VPS13C: variants seen among roughly 807,000 people sequenced by gnomAD.
VPS13C encodes the protein vacuolar protein sorting 13 homolog C.
A neutral mutation model predicts 456.8 loss-of-function variants in VPS13C; 358 were observed. The ratio of observed to expected loss-of-function variants is 0.78; its 90% CI spans 0.72 to 0.86. VPS13C has a LOEUF of 0.86. Among genes scored for constraint, VPS13C ranks in the 40% least tolerant of loss-of-function variants. The pLI, the probability that VPS13C is intolerant of heterozygous loss-of-function variation, is 0.00. For missense variants in VPS13C, 4,818 were observed against 4,385.4 expected (o/e 1.10, Z -2.79); for synonymous variants, 1,578 against 1,486.7 (o/e 1.06, Z -1.41).
chr15:61,874,797 G>C, intron 77 of VPS13C, 79 bp downstream of exon 77: 1 of 1,259,782 alleles, frequency 7.9e-7, no homozygotes. Context: ...TTAAATAAAA[G>C]CATTTGTTTT....
intron 16 of VPS13C, among the ~76,000 whole-genome samples, chr15:61,993,958 G>A (rs1233893599): frequency 2.0e-5 from 3 of 151,332 alleles, no homozygotes; most frequent in African/African-American, 7.3e-5. Context: ...TTATTTCAAA[G>A]CATATATATA....
rs887918073 is a variant in VPS13C at position 62,030,174 on chromosome 15, A to G, written c.386-1754T>C. On this transcript the variant is annotated intron_variant, in intron 5 of 84. Coordinates refer to ENST00000644861, the MANE Select transcript of VPS13C (RefSeq NM_020821.3). The stretch of plus-strand genomic sequence containing the variant: ...AGACAAATTTCATGTAGCATGTGAA[A>G]AAGAATTAAAGATAAATTTACATAG... 6.6e-5 allele frequency among the ~76,000 whole-genome samples: 10 copies of G among 152,302 alleles called. No individual in the cohort carries two copies. The East Asian group carries it at 1.9e-3, about 29-fold the overall frequency.
chr15:62,054,318 C>G (rs956586479), intron 1 of VPS13C, among the ~76,000 whole-genome samples: 3 of 152,140 alleles, frequency 2.0e-5, no homozygotes, highest in East Asian at 3.8e-4. Flanking sequence ...GACTTACAAA[C>G]TAGCTGGCAG....
chr15:61,919,193 G>T (rs1249830300), intron 58 of VPS13C, 96 bp downstream of exon 58: 22 of 1,203,558 alleles, frequency 1.8e-5, no homozygotes, highest in South Asian at 7.8e-5. Context: ...AATCAGAATT[G>T]ACCTGATGAA....
chr15:61,885,868 C>T (rs1245191805), intron 67 of VPS13C, among the ~76,000 whole-genome samples: 1 of 152,088 alleles, frequency 6.6e-6, no homozygotes, highest in Non-Finnish European at 1.5e-5. Context: ...CAGGTTAATC[C>T]TTTAGTCACT....
intron 29 of VPS13C, among the ~76,000 whole-genome samples, chr15:61,966,867 A>AACAC (rs1567055693): frequency 6.6e-6 from 1 of 151,712 alleles, no homozygotes. Flanking sequence ...AGACATCCAA[A>AACAC]AACACATCCA....
chr15:62,039,091 C>A (rs112159172), intron 3 of VPS13C, among the ~76,000 whole-genome samples: 1,804 of 152,086 alleles, frequency 0.012, 39 homozygotes, highest in African/African-American at 0.042. Flanking sequence ...CTACTGAGTA[C>A]CTAAAAGAAA....
At chr15:61,929,257 C>A (rs2043972234) in intron 51 of VPS13C, among the ~76,000 whole-genome samples, 1 of 152,170 alleles carries the variant, frequency 6.6e-6, no homozygotes, top group Non-Finnish European at 1.5e-5. Flanking sequence ...ATTTCTGGAT[C>A]AGTAAAGAAA....
chr15:62,058,416 T>C (rs541847496), intron 1 of VPS13C, among the ~76,000 whole-genome samples: 1 of 152,222 alleles, frequency 6.6e-6, no homozygotes, highest in African/African-American at 2.4e-5. Context: ...AGGCCCTCCA[T>C]ATTCACGGAC....
chr15:62,008,593 T>C (rs1229514971), intron 14 of VPS13C, 62 bp downstream of exon 14: 30 of 1,214,342 alleles, frequency 2.5e-5, no homozygotes, highest in Non-Finnish European at 2.8e-5. Flanking sequence ...TGCTTAACTC[T>C]GAGAGTAACT....
chr15:62,025,705 A>G (rs2047614183), intron 6 of VPS13C, among the ~76,000 whole-genome samples: 1 of 152,134 alleles, frequency 6.6e-6, no homozygotes, highest in African/African-American at 2.4e-5. Flanking sequence ...CTCTTTAGAG[A>G]AAGTTTCTAA....
chr15:61,865,653 T>TACAC, intron 81 of VPS13C: 1 of 383,212 alleles, frequency 2.6e-6, no homozygotes, highest in Non-Finnish European at 3.6e-6. Context: ...TGTGTGTATA[T>TACAC]ATATGTATGT....
At chr15:61,914,794 C>G (rs772143322) in intron 61 of VPS13C, among the ~76,000 whole-genome samples, 1 of 145,776 alleles carries the variant, frequency 6.9e-6, no homozygotes, top group Non-Finnish European at 1.5e-5. Context: ...CTCCTGACCT[C>G]AGGTGATCCA....
intron 13 of VPS13C, 64 bp downstream of exon 13, chr15:62,010,408 T>G: frequency 1.4e-6 from 2 of 1,411,008 alleles, no homozygotes; most frequent in Non-Finnish European, 1.9e-6. Flanking sequence ...GAAGTAATAA[T>G]CACAAATAAA....
intron 3 of VPS13C, among the ~76,000 whole-genome samples, chr15:62,038,540 CTG>C (rs1202072741): frequency 2.0e-5 from 3 of 152,136 alleles, no homozygotes; most frequent in Admixed American, 2.0e-4. Flanking sequence ...TAAGCCATGA[CTG>C]TGCCACTGCA....
At position 61,951,033 on chromosome 15, in the gene VPS13C, G is replaced by C. The variant is rs1000373697; in HGVS notation, c.4457-9C>G. On this transcript the variant is annotated splice_polypyrimidine_tract_variant and intron_variant, in intron 39 of 84. Coordinates refer to ENST00000644861, the MANE Select transcript of VPS13C (RefSeq NM_020821.3). The stretch of plus-strand genomic sequence containing the variant: ...AGGTTCCCCTTTAGAGTCTAAAAGA[G>C]AAAAAAGACAAAGTTGATCCATCAA... 4 of 1,547,280 alleles carry C rather than the reference G, an allele frequency of 2.6e-6. No individual in the cohort carries two copies. The highest frequency in any genetic ancestry group is 3.5e-6 in the Non-Finnish European group (4 of 1,141,068).
At chr15:62,005,756 G>A (rs2046813814) in intron 15 of VPS13C, among the ~76,000 whole-genome samples, 1 of 151,616 alleles carries the variant, frequency 6.6e-6, no homozygotes, top group Admixed American at 6.6e-5. Flanking sequence ...AGGCTGGAAT[G>A]CAATGGCAGG....
intron 66 of VPS13C, among the ~76,000 whole-genome samples, chr15:61,893,472 CAA>C (rs985967162): frequency 7.9e-5 from 12 of 151,264 alleles, no homozygotes; most frequent in Middle Eastern, 3.4e-3. Context: ...ACACATCTTA[CAA>C]AAAATGATAA....
chr15:62,021,377 G>A (rs1261003979), intron 8 of VPS13C, among the ~76,000 whole-genome samples: 1 of 151,780 alleles, frequency 6.6e-6, no homozygotes, highest in African/African-American at 2.4e-5. Flanking sequence ...AATGCTTCTA[G>A]GAAAATCTCT....
Sources: allele counts gnomAD v4.1 joint callset (sites outside exome capture counted in the v4.1 genomes callset), GRCh38; gene constraint gnomAD v4.1.1; transcripts MANE v1.5; gene names NCBI Gene and HGNC (gene_info 2026-07-23, HGNC 2026-07-21).